The following NKAIN2 variants were observed in gnomAD, a reference collection of about 807,000 sequenced individuals.
The protein encoded by NKAIN2 is sodium/potassium-transporting ATPase subunit beta-1-interacting protein 2.
NKAIN2 carries 14 observed loss-of-function variants against 32.6 expected under a neutral mutation model. The observed-to-expected ratio is 0.43, with a 90% CI of 0.28 to 0.67. The LOEUF (loss-of-function observed/expected upper bound fraction) is 0.67, where lower values mean the gene tolerates loss of function less well. Ranked by LOEUF, NKAIN2 falls within the 30% of genes least tolerant of loss-of-function variation. The pLI is 0.17. For missense variants in NKAIN2, 198 were observed against 258.3 expected (o/e 0.77, Z 1.60); for synonymous variants, 80 against 87.2 (o/e 0.92, Z 0.46).
At chr6:124,763,157 C>G (rs1384270500) in intron 4 of NKAIN2, among the ~76,000 whole-genome samples, 1 of 152,156 alleles carries the variant, frequency 6.6e-6, no homozygotes, top group African/African-American at 2.4e-5. Flanking sequence ...GATTGGGGAG[C>G]TGTTTAGCCA....
chr6:124,203,575 G>T (rs1383922621), intron 1 of NKAIN2, among the ~76,000 whole-genome samples: 1 of 151,760 alleles, frequency 6.6e-6, no homozygotes, highest in South Asian at 2.1e-4. Context: ...AAATAAGCAT[G>T]CTGAGAGAGA....
At chr6:124,027,866 T>C (rs1562316402) in intron 1 of NKAIN2, among the ~76,000 whole-genome samples, 1 of 152,194 alleles carries the variant, frequency 6.6e-6, no homozygotes, top group Non-Finnish European at 1.5e-5. Context: ...GAGAACTAAA[T>C]ATATTTTAAA....
intron 4 of NKAIN2, among the ~76,000 whole-genome samples, chr6:124,740,447 C>CGT (rs56154164): frequency 0.34 from 48,620 of 143,664 alleles, 8,435 homozygotes; most frequent in Middle Eastern, 0.43. Flanking sequence ...CACATATACA[C>CGT]GTGTGTGTGT....
chr6:124,658,487 C>G lies in NKAIN2; in HGVS notation c.474+101C>G. Reference sequence around the variant, plus strand: ...AATGGAATCTGTGGGTAAAGTGTGGCCTTTTTGCTTTTTCCTCATTAATGC... The same window carrying G: ...AATGGAATCTGTGGGTAAAGTGTGGGCTTTTTGCTTTTTCCTCATTAATGC... On this transcript the variant is annotated intron_variant, in intron 4 of 6. Transcript: ENST00000368417. The G allele has an allele frequency of 1.9e-6, 3 of 1,567,492 alleles. No homozygotes were observed. The South Asian group carries it at 3.6e-5, about 19-fold the overall frequency.
intron 5 of NKAIN2, chr6:124,804,498 G>A (rs1780426025): frequency 2.1e-6 from 2 of 937,748 alleles, no homozygotes; most frequent in African/African-American, 1.8e-5. Flanking sequence ...AAATATTAAA[G>A]ATCTGGGGGA....
chr6:124,652,552 T>A (rs940689913), intron 3 of NKAIN2, among the ~76,000 whole-genome samples: 1 of 152,210 alleles, frequency 6.6e-6, no homozygotes, highest in African/African-American at 2.4e-5. Flanking sequence ...TAGTTTGTTT[T>A]GGGCTACTAT....
At chr6:124,374,358 A>G (rs1440058611) in intron 3 of NKAIN2, among the ~76,000 whole-genome samples, 1 of 152,060 alleles carries the variant, frequency 6.6e-6, no homozygotes, top group Non-Finnish European at 1.5e-5. Context: ...ACAAGAATCT[A>G]TTTGACATTA....
intron 4 of NKAIN2, among the ~76,000 whole-genome samples, chr6:124,728,389 C>G (rs1459864871): frequency 2.0e-5 from 2 of 100,268 alleles, no homozygotes; most frequent in African/African-American, 7.9e-5. Flanking sequence ...AACTAGAACT[C>G]AGGATTAAGA....
At position 124,285,399 on chromosome 6, in the gene NKAIN2, C is replaced by T. The variant is rs117111132; in HGVS notation, c.192+2257C>T. ...TGCTTGGAAATCCCCTTAACCAGAC[C>T]CATAAACTCATAGGCATATTTTCTA... On this transcript the variant is annotated intron_variant, in intron 2 of 6. Transcript: ENST00000368417. 1.0e-3 allele frequency among the ~76,000 whole-genome samples: 154 copies of T among 152,122 alleles called. 2 individuals are homozygous for T. The South Asian group carries it at 0.017, about 17-fold the overall frequency.
intron 2 of NKAIN2, among the ~76,000 whole-genome samples, chr6:124,334,179 C>A (rs1451126895): frequency 6.6e-6 from 1 of 152,188 alleles, no homozygotes; most frequent in East Asian, 1.9e-4. Context: ...GCACATGGTT[C>A]TCTCTTCAGG....
rs35802663 is a variant in NKAIN2 at position 124,638,887 on chromosome 6, C to CAAAAAAAAAAAAAAAAAA, written c.274-19294_274-19277dup. Among the ~76,000 whole-genome samples, 5 of 82,628 alleles carry CAAAAAAAAAAAAAAAAAA rather than the reference C, an allele frequency of 6.1e-5. 1 individual carries two copies. Among genetic ancestry groups the CAAAAAAAAAAAAAAAAAA allele is most frequent in the African/African-American group, 2.6e-4 (5 of 19,072 alleles). 54.2% of individuals were successfully genotyped at this position (82,628 alleles called of 152,430 possible). A position where few individuals can be genotyped will look rare whatever the true frequency, so the allele number is the denominator to read the frequency against. On this transcript the variant is annotated intron_variant, in intron 3 of 6. Transcript: ENST00000368417. ...GCCTGGGGGCAGAGTGAGACTCTGT[C>CAAAAAAAAAAAAAAAAAA]AAAAAAAAAAAAAAAAAAAAAAGAT...
At chr6:124,213,129 C>A (rs1296013686) in intron 1 of NKAIN2, among the ~76,000 whole-genome samples, 1 of 152,050 alleles carries the variant, frequency 6.6e-6, no homozygotes, top group Admixed American at 6.6e-5. Context: ...GTTTAGTGAT[C>A]CCCCCAGCTG....
At chr6:123,822,028 CAT>C (rs1302264332) in intron 1 of NKAIN2, among the ~76,000 whole-genome samples, 2 of 152,092 alleles carry the variant, frequency 1.3e-5, no homozygotes, top group Admixed American at 1.3e-4. Context: ...AATCACTTAA[CAT>C]AAATTAACTC....
At chr6:124,537,858 G>A (rs1009444220) in intron 3 of NKAIN2, among the ~76,000 whole-genome samples, 3 of 152,098 alleles carry the variant, frequency 2.0e-5, no homozygotes, top group Non-Finnish European at 2.9e-5. Flanking sequence ...TATTTACTGA[G>A]TTTCACACTG....
intron 1 of NKAIN2, among the ~76,000 whole-genome samples, chr6:124,158,236 G>T (rs1294165765): frequency 6.6e-6 from 1 of 151,928 alleles, no homozygotes; most frequent in Non-Finnish European, 1.5e-5. Context: ...ATGCATCCCT[G>T]GTGTCGCTGT....
chr6:123,816,866 G>A (rs1212623167), intron 1 of NKAIN2, among the ~76,000 whole-genome samples: 2 of 152,134 alleles, frequency 1.3e-5, no homozygotes, highest in Non-Finnish European at 2.9e-5. Context: ...CCACCTAATT[G>A]GTAGAGTGTC....
intron 1 of NKAIN2, among the ~76,000 whole-genome samples, chr6:124,282,541 G>T (rs1246648310): frequency 6.6e-6 from 1 of 152,160 alleles, no homozygotes; most frequent in Non-Finnish European, 1.5e-5. Flanking sequence ...TCTTTGTCTT[G>T]CTAAAGGGTT....
chr6:124,535,198 T>C (rs1779671513), intron 3 of NKAIN2, among the ~76,000 whole-genome samples: 1 of 152,222 alleles, frequency 6.6e-6, no homozygotes, highest in Non-Finnish European at 1.5e-5. Context: ...CTACACTTAT[T>C]GTATCTTTCC....
rs11961591 is a variant in NKAIN2 at position 124,697,463 on chromosome 6, T to G, written c.474+39077T>G. ...TTTGTTTCTTCATATAAAACATCTATTATTTTTTCATATCGCAGTTATGAG... is the reference window on the plus strand; with the variant it reads ...TTTGTTTCTTCATATAAAACATCTAGTATTTTTTCATATCGCAGTTATGAG... On this transcript the variant is annotated intron_variant, in intron 4 of 6. Coordinates refer to ENST00000368417, the MANE Select transcript of NKAIN2 (RefSeq NM_001040214.3). Among the ~76,000 whole-genome samples the G allele has an allele frequency of 5.5e-3, 844 of 152,306 alleles. 6 individuals carry two copies. Among genetic ancestry groups the G allele is most frequent in the African/African-American group, 0.019 (806 of 41,578 alleles).
Sources: gnomAD v4.1 joint callset for allele counts (sites outside exome capture counted in the v4.1 genomes callset) on GRCh38, gnomAD v4.1.1 for gene constraint, MANE v1.5 for transcripts, NCBI Gene and HGNC (gene_info 2026-07-23, HGNC 2026-07-21) for gene names.